Variants in FAM171A1 observed in about 807,000 individuals in gnomAD.
FAM171A1 encodes protein FAM171A1.
A neutral mutation model predicts 74.9 loss-of-function variants in FAM171A1; 23 were observed. The ratio of observed to expected loss-of-function variants is 0.31; its 90% CI spans 0.22 to 0.44. The LOEUF (loss-of-function observed/expected upper bound fraction) is 0.44. FAM171A1 is among the 20% of genes least tolerant of loss of function. The probability of loss-of-function intolerance (pLI) is 1.00; values close to 1 mark genes in which losing one functional copy is unlikely to be tolerated. For missense variants in FAM171A1, 1,162 were observed against 1,159.2 expected, an observed-to-expected ratio of 1.00 and a Z score of -0.03; for synonymous variants, 527 against 505.7, an observed-to-expected ratio of 1.04 and a Z score of -0.57.
chr10:15,245,570 G>A (rs1345415489), intron 5 of FAM171A1, among the ~76,000 whole-genome samples: 2 of 152,202 alleles, frequency 1.3e-5, no homozygotes, highest in Admixed American at 1.3e-4. Context: ...AACAACAGTG[G>A]GTACTATTAT....
At chr10:15,291,103 A>C (rs1187680525) in intron 1 of FAM171A1, among the ~76,000 whole-genome samples, 1 of 151,846 alleles carries the variant, frequency 6.6e-6, no homozygotes, top group Non-Finnish European at 1.5e-5. Context: ...TCCTGCCTCA[A>C]CCTCCCAAAG....
chr10:15,296,412 C>T (rs1050464538), intron 1 of FAM171A1, among the ~76,000 whole-genome samples: 1 of 152,120 alleles, frequency 6.6e-6, no homozygotes, highest in African/African-American at 2.4e-5. Context: ...CAATAAGAAT[C>T]TGTTACAACT....
At chr10:15,285,756 G>T (rs994929719) in intron 1 of FAM171A1, among the ~76,000 whole-genome samples, 3 of 152,206 alleles carry the variant, frequency 2.0e-5, no homozygotes, top group African/African-American at 7.2e-5. Flanking sequence ...CTAGCAAAAA[G>T]CGAGGAGGTG....
At chr10:15,317,113 A>C (rs1321076860) in intron 1 of FAM171A1, among the ~76,000 whole-genome samples, 1 of 152,002 alleles carries the variant, frequency 6.6e-6, no homozygotes, top group Non-Finnish European at 1.5e-5. Flanking sequence ...TTTCCCAGTC[A>C]CGGAAACAGG....
At chr10:15,278,607 G>T (rs956455867) in intron 2 of FAM171A1, among the ~76,000 whole-genome samples, 1 of 152,162 alleles carries the variant, frequency 6.6e-6, no homozygotes. Context: ...CTACAACGTG[G>T]ATGAATCTTG....
chr10:15,367,224 A>G (rs762910917), intron 1 of FAM171A1, among the ~76,000 whole-genome samples: 4 of 151,772 alleles, frequency 2.6e-5, no homozygotes, highest in Non-Finnish European at 5.9e-5. Context: ...ACAAACAAAC[A>G]CACACACAAA....
chr10:15,312,810 G>A (rs1835380091), intron 1 of FAM171A1, among the ~76,000 whole-genome samples: 1 of 145,432 alleles, frequency 6.9e-6, no homozygotes, highest in Admixed American at 7.2e-5. Context: ...CGATTCTCCT[G>A]CCTCAGCCTC....
At chr10:15,285,220 C>T (rs1299756859) in intron 1 of FAM171A1, among the ~76,000 whole-genome samples, 5 of 152,266 alleles carry the variant, frequency 3.3e-5, no homozygotes, top group South Asian at 4.2e-4. Context: ...GGCAGGAAGA[C>T]GCCATGTTTC....
At chr10:15,341,460 C>G (rs1037720602) in intron 1 of FAM171A1, among the ~76,000 whole-genome samples, 2 of 152,078 alleles carry the variant, frequency 1.3e-5, no homozygotes, top group African/African-American at 4.8e-5. Flanking sequence ...GAGTTTTTTT[C>G]CTCCCCGCAA....
intron 1 of FAM171A1, among the ~76,000 whole-genome samples, chr10:15,292,129 A>C (rs1363997204): frequency 2.0e-5 from 3 of 152,072 alleles, no homozygotes; most frequent in Non-Finnish European, 4.4e-5. Flanking sequence ...GGAAGGGATG[A>C]GGGGGCTCTC....
rs185803620 is a variant in FAM171A1, at chr10:15,307,037, C to T, written c.98-22932G>A. On this transcript the variant is annotated intron_variant, in intron 1 of 7. Coordinates refer to ENST00000378116, the MANE Select transcript of FAM171A1 (RefSeq NM_001010924.2). ...GTTCACAGGTGCGGATATCCACTTA[C>T]ATCCAGGGTACTGTGGAAAGGCTCT... Among the ~76,000 whole-genome samples, 546 of 152,324 alleles carry T rather than the reference C, an allele frequency of 3.6e-3. 5 individuals are homozygous for T. The highest frequency in any genetic ancestry group is 0.013 in the African/African-American group (522 of 41,578).
rs1005567763 is a variant in FAM171A1 at position 15,212,931 on chromosome 10, G to A, written c.2657C>T (p.Ala886Val). The change falls in exon 8 of 8, where the codon GCG (alanine) becomes GTG (valine). Residue 886 changes from alanine to valine, a missense_variant. By Grantham distance (64) the Ala-to-Val change is moderately conservative. Coordinates refer to ENST00000378116, the MANE Select transcript of FAM171A1 (RefSeq NM_001010924.2). Reference protein sequence around the residue: ...WQKREERPLMAFNIK With the variant: ...WQKREERPLMVFNIK ...TGCGATAGCTCATTTAATGTTAAAC[G>A]CCATCAGGGGCCTCTCCTCCCGTTT... The A allele has an allele frequency of 1.2e-5, 20 of 1,613,952 alleles. No homozygotes were observed. The Middle Eastern group carries it at 6.6e-4, about 53-fold the overall frequency.
intron 1 of FAM171A1, among the ~76,000 whole-genome samples, chr10:15,320,600 T>C (rs138913639): frequency 2.6e-4 from 40 of 152,338 alleles, no homozygotes; most frequent in African/African-American, 8.7e-4. Flanking sequence ...TGTATAAGTG[T>C]TCCTTTTTCT....
chr10:15,300,002 GC>G (rs1835209754), intron 1 of FAM171A1, among the ~76,000 whole-genome samples: 1 of 151,814 alleles, frequency 6.6e-6, no homozygotes, highest in Non-Finnish European at 1.5e-5. Flanking sequence ...GGGCAAAAAG[GC>G]AAGCTGAAGG....
At chr10:15,336,720 A>G (rs1243082189) in intron 1 of FAM171A1, among the ~76,000 whole-genome samples, 2 of 152,208 alleles carry the variant, frequency 1.3e-5, no homozygotes, top group African/African-American at 2.4e-5. Context: ...AATTAAGTGT[A>G]AAGTATTAGT....
intron 1 of FAM171A1, among the ~76,000 whole-genome samples, chr10:15,325,003 A>G (rs537244869): frequency 6.4e-4 from 97 of 152,350 alleles, no homozygotes; most frequent in African/African-American, 2.3e-3. Context: ...ACTTGCGAAA[A>G]GCTAGAGGCA....
rs1476140480 is a variant in FAM171A1, at chr10:15,228,507, T to A, written c.755-7447A>T. 2.6e-5 allele frequency among the ~76,000 whole-genome samples: 4 copies of A among 151,910 alleles called. No individual in the cohort carries two copies. In the East Asian group the frequency reaches 7.7e-4, roughly 29 times the overall value. Reference sequence around the variant, plus strand: ...ACAGGCATGCACCACCACATCTGGCTGATTTTTGTATTTTTTAGTAGAGAT... The same window carrying A: ...ACAGGCATGCACCACCACATCTGGCAGATTTTTGTATTTTTTAGTAGAGAT... On this transcript the variant is annotated intron_variant, in intron 5 of 7. Coordinates refer to ENST00000378116, the MANE Select transcript of FAM171A1 (RefSeq NM_001010924.2).
chr10:15,212,854 C>A lies in FAM171A1; in HGVS notation c.*61G>T. ...CGTTTCCTCCACGAACGGGTACGCG[C>A]TTCCATGAGAAAGGATATTTGGCAA... On this transcript the variant is annotated 3_prime_UTR_variant, in exon 8 of 8. Coordinates refer to ENST00000378116, the MANE Select transcript of FAM171A1 (RefSeq NM_001010924.2). 6.3e-7 allele frequency: 1 copy of A among 1,593,254 alleles called. No individual in the cohort carries two copies.
intron 3 of FAM171A1, among the ~76,000 whole-genome samples, chr10:15,260,646 T>C (rs1278314471): frequency 6.6e-6 from 1 of 152,212 alleles, no homozygotes; most frequent in Non-Finnish European, 1.5e-5. Flanking sequence ...ATGGTACTTA[T>C]GTGAAGATGA....
Sources: gnomAD v4.1 joint callset for allele counts (sites outside exome capture counted in the v4.1 genomes callset) on GRCh38, gnomAD v4.1.1 for gene constraint, MANE v1.5 for transcripts, NCBI Gene and HGNC (gene_info 2026-07-23, HGNC 2026-07-21) for gene names.